IMMT: variants seen among roughly 807,000 people sequenced by gnomAD.
IMMT encodes the protein MICOS complex subunit MIC60.
Under a neutral mutation model 92.7 loss-of-function variants are expected in IMMT, and 40 were observed. The observed-to-expected ratio is 0.43, with a 90% CI of 0.34 to 0.56. The LOEUF (loss-of-function observed/expected upper bound fraction) is 0.56, where lower values mean the gene tolerates loss of function less well. IMMT is among the 20% of genes least tolerant of loss of function. The pLI is 0.03. For synonymous variants in IMMT, 322 were observed against 336.1 expected (o/e 0.96, Z 0.46); for missense variants, 831 against 912.1 (o/e 0.91, Z 1.14).
intron 4 of IMMT, chr2:86,171,660 A>G (rs6713309): frequency 0.039 from 8,985 of 232,678 alleles, 847 homozygotes; most frequent in African/African-American, 0.19. Flanking sequence ...ACATTTACAC[A>G]TGGAAAAAGA....
intron 3 of IMMT, among the ~76,000 whole-genome samples, chr2:86,174,547 T>C (rs1278864126): frequency 6.6e-6 from 1 of 152,216 alleles, no homozygotes; most frequent in African/African-American, 2.4e-5. Context: ...TGCCAAGATA[T>C]ATCAGTGGCT....
At chr2:86,174,552 G>A (rs1313149874) in intron 3 of IMMT, among the ~76,000 whole-genome samples, 1 of 152,140 alleles carries the variant, frequency 6.6e-6, no homozygotes, top group Non-Finnish European at 1.5e-5. Context: ...AGATATATCA[G>A]TGGCTTTAAC....
chr2:86,166,696 CT>C, intron 6 of IMMT, 52 bp from the exon 7 acceptor site: 1 of 1,501,292 alleles, frequency 6.7e-7, no homozygotes, highest in Non-Finnish European at 8.9e-7. Flanking sequence ...CCATAAATGA[CT>C]TTAAACTTTT....
rs372290516 is a variant in IMMT at position 86,146,189 on chromosome 2, A to T, written c.1542T>A (p.Ser514=). 6.8e-6 allele frequency: 11 copies of T among 1,606,510 alleles called. No homozygotes were observed. The highest frequency in any genetic ancestry group is 8.5e-6 in the Non-Finnish European group (10 of 1,175,102). The stretch of plus-strand genomic sequence containing the variant: ...GTAATTCTTGTTCAGAGAGTTTCTC[A>T]GACAGGTTCTGAAATAAAACAGAAA... ...ELKSEFEQNL[S]EKLSEQELQF... The change falls in exon 14 of 15, where the codon TCT becomes TCA. Residue 514 remains serine, a synonymous_variant. Coordinates refer to ENST00000410111, the MANE Select transcript of IMMT (RefSeq NM_006839.3).
rs1191420732 is a variant in IMMT, at chr2:86,144,181, G to T, written c.*87C>A. Reference sequence around the variant, plus strand: ...TGTAAACCTGCTCATTTCTAGACAAGTCCGGGACTCTCGCTGCGAACCCTT... The same window carrying T: ...TGTAAACCTGCTCATTTCTAGACAATTCCGGGACTCTCGCTGCGAACCCTT... On this transcript the variant is annotated 3_prime_UTR_variant, in exon 15 of 15. Coordinates refer to ENST00000410111, the MANE Select transcript of IMMT (RefSeq NM_006839.3). 2.1e-6 allele frequency: 3 copies of T among 1,440,826 alleles called. No individual in the cohort carries two copies. The highest frequency in any genetic ancestry group is 1.4e-5 in the African/African-American group (1 of 71,456). 89.3% of individuals were successfully genotyped at this position (1,440,826 alleles called of 1,614,324 possible).
chr2:86,184,671 C>G (rs1487974808), intron 1 of IMMT, among the ~76,000 whole-genome samples: 3 of 151,186 alleles, frequency 2.0e-5, no homozygotes, highest in African/African-American at 7.3e-5. Flanking sequence ...GCTGAAGAAC[C>G]TTGAAGAGAC....
At chr2:86,154,878 T>A (rs1197257562) in intron 10 of IMMT, among the ~76,000 whole-genome samples, 3 of 152,122 alleles carry the variant, frequency 2.0e-5, no homozygotes, top group Non-Finnish European at 4.4e-5. Context: ...CGTCCTTTTT[T>A]TTTTTGAGAC....
At chr2:86,181,110 C>A (rs1672405568) in intron 2 of IMMT, among the ~76,000 whole-genome samples, 189 bp downstream of exon 2, 3 of 152,096 alleles carry the variant, frequency 2.0e-5, no homozygotes, top group Admixed American at 1.3e-4. Context: ...CCAAAAGGTG[C>A]ATTATTAACA....
At chr2:86,144,929 A>G in intron 14 of IMMT, 48 bp from the exon 15 acceptor site, 10 of 1,540,842 alleles carry the variant, frequency 6.5e-6, no homozygotes, top group Non-Finnish European at 7.8e-6. Flanking sequence ...TCCATCTGAC[A>G]ACATACATCC....
At chr2:86,154,940 G>A (rs1675745177) in intron 10 of IMMT, among the ~76,000 whole-genome samples, 1 of 152,042 alleles carries the variant, frequency 6.6e-6, no homozygotes, top group Non-Finnish European at 1.5e-5. Context: ...TCGGCTCACT[G>A]TAACCTCCAC....
intron 8 of IMMT, among the ~76,000 whole-genome samples, chr2:86,160,733 G>T (rs1676209613): frequency 6.6e-6 from 1 of 152,132 alleles, no homozygotes; most frequent in Non-Finnish European, 1.5e-5. Flanking sequence ...CCTAGTTTTA[G>T]CCAACTTCCA....
chr2:86,153,304 T>TACACACACACAC (rs10572745), intron 11 of IMMT, among the ~76,000 whole-genome samples: 3,014 of 143,854 alleles, frequency 0.021, 116 homozygotes, highest in African/African-American at 0.071. Context: ...CAATCCATAT[T>TACACACACACAC]ACACACACAC....
intron 11 of IMMT, among the ~76,000 whole-genome samples, chr2:86,153,303 TTACA>T (rs754816824): frequency 2.0e-5 from 1 of 49,646 alleles, no homozygotes; most frequent in African/African-American, 8.5e-5. Context: ...ACAATCCATA[TTACA>T]CACACACACA....
intron 10 of IMMT, among the ~76,000 whole-genome samples, chr2:86,156,369 A>G (rs1288969839): frequency 1.3e-5 from 2 of 152,138 alleles, no homozygotes; most frequent in African/African-American, 4.8e-5. Context: ...AGGTAGATGG[A>G]TAATTTGAGG....
chr2:86,182,623 T>C (rs1204288916), intron 1 of IMMT, among the ~76,000 whole-genome samples: 2 of 152,072 alleles, frequency 1.3e-5, no homozygotes, highest in Non-Finnish European at 2.9e-5. Flanking sequence ...CAGGCGGGGA[T>C]TGCTTGAGCC....
At chr2:86,165,249 C>A (rs1676589515) in intron 7 of IMMT, among the ~76,000 whole-genome samples, 1 of 152,214 alleles carries the variant, frequency 6.6e-6, no homozygotes. Flanking sequence ...CTGAGGGATA[C>A]TGGTCTACTT....
intron 7 of IMMT, among the ~76,000 whole-genome samples, chr2:86,162,721 G>A (rs530954702): frequency 1.3e-5 from 2 of 152,244 alleles, no homozygotes; most frequent in South Asian, 2.1e-4. Context: ...GCGGGTGCCT[G>A]TAATCCCAGC....
At chr2:86,164,446 T>G (rs1676521710) in intron 7 of IMMT, among the ~76,000 whole-genome samples, 2 of 151,648 alleles carry the variant, frequency 1.3e-5, no homozygotes, top group South Asian at 4.2e-4. Context: ...TCCCAGCACT[T>G]TTGGGAGGTG....
chr2:86,145,688 G>A, intron 14 of IMMT, among the ~76,000 whole-genome samples: 1 of 151,954 alleles, frequency 6.6e-6, no homozygotes, highest in African/African-American at 2.4e-5. Context: ...TGTGGCACAT[G>A]GAGGCCTCAG....
Sources: gnomAD v4.1 joint callset for allele counts (sites outside exome capture counted in the v4.1 genomes callset) on GRCh38, gnomAD v4.1.1 for gene constraint, MANE v1.5 for transcripts, NCBI Gene and HGNC (gene_info 2026-07-23, HGNC 2026-07-21) for gene names.